EHD3: variants seen among roughly 807,000 people sequenced by gnomAD.
EHD3 encodes EH domain-containing protein 3.
EHD3 carries 17 observed loss-of-function variants against 43.0 expected under a neutral mutation model. The ratio of observed to expected loss-of-function variants is 0.40; its 90% CI spans 0.27 to 0.59. The LOEUF (loss-of-function observed/expected upper bound fraction) is 0.59, where lower values mean the gene tolerates loss of function less well. Ranked by LOEUF, EHD3 falls within the 20% of genes least tolerant of loss-of-function variation. The probability of loss-of-function intolerance (pLI) is 0.49; values close to 1 mark genes in which losing one functional copy is unlikely to be tolerated. For missense variants in EHD3, 594 were observed against 705.6 expected (o/e 0.84, Z 1.79); for synonymous variants, 313 against 289.5 (o/e 1.08, Z -0.82).
rs556019532 is a variant in EHD3, at chr2:31,260,544, C to A, written c.537C>A (p.Ala179=). ...TTGCAGCTGTCCTTGAGTGGTTTGC[C>A]GAGCGGGTTGACCGCATCATTCTGC... The part of the protein sequence containing the change: ...YDFAAVLEWF[A]ERVDRIILLF... Residue 179 remains alanine (A), a synonymous_variant, in exon 4 of 6, where the codon GCC becomes GCA. Coordinates refer to ENST00000322054, the MANE Select transcript of EHD3 (RefSeq NM_014600.3). This position sits in a 1 kb window ranked among gnomAD's most constrained non-coding sequence, Gnocchi z 4.6. The A allele has an allele frequency of 3.1e-6, 5 of 1,611,422 alleles. No individual in the cohort carries two copies. In the African/African-American group the frequency reaches 6.7e-5, roughly 21 times the overall value.
Position 31,240,358 on chromosome 2 carries a change from C to T in EHD3, c.228-3916C>T, listed in dbSNP as rs185668167. On this transcript the variant is annotated intron_variant, in intron 1 of 5. Transcript: ENST00000322054. ...TCCTGGCAACAGAGGCAATCTGTAT[C>T]GCTTCCCATAAAGAATCAGTGCATG... 7.9e-5 allele frequency among the ~76,000 whole-genome samples: 12 copies of T among 152,328 alleles called. No homozygotes were observed. In the East Asian group the frequency reaches 1.9e-3, roughly 24 times the overall value.
In EHD3 at chr2:31,254,418, C is replaced by T. The variant is rs574351623; in HGVS notation, c.502+4950C>T. Among the ~76,000 whole-genome samples the T allele has an allele frequency of 1.8e-4, 28 of 152,304 alleles. No individual in the cohort carries two copies. In the South Asian group the frequency reaches 1.9e-3, roughly 10 times the overall value. On this transcript the variant is annotated intron_variant, in intron 3 of 5. Transcript: ENST00000322054. ...GCCGGTACAGGCACGCCTGTGTGGGCGCTCCTGTGCCTGGGCAGAGCAGCC... is the reference window on the plus strand; with the variant it reads ...GCCGGTACAGGCACGCCTGTGTGGGTGCTCCTGTGCCTGGGCAGAGCAGCC...
At chr2:31,245,170 A>T (rs1683493786) in intron 2 of EHD3, among the ~76,000 whole-genome samples, 1 of 152,164 alleles carries the variant, frequency 6.6e-6, no homozygotes, top group South Asian at 2.1e-4. Flanking sequence ...ACTTTTTCTA[A>T]TTGGAGGTTT....
At chr2:31,256,818 T>C (rs1683760062) in intron 3 of EHD3, among the ~76,000 whole-genome samples, 1 of 152,212 alleles carries the variant, frequency 6.6e-6, no homozygotes, top group Admixed American at 6.5e-5. Flanking sequence ...GGTGGAGGCG[T>C]GGCTACAGTG....
At chr2:31,238,009 TG>T (rs1302814533) in intron 1 of EHD3, among the ~76,000 whole-genome samples, 6 of 152,216 alleles carry the variant, frequency 3.9e-5, no homozygotes, top group Admixed American at 1.3e-4. Context: ...TGTTTGTTTT[TG>T]TTTTTGTTTT....
chr2:31,251,934 G>A (rs1196010390), intron 3 of EHD3, among the ~76,000 whole-genome samples: 1 of 152,168 alleles, frequency 6.6e-6, no homozygotes. Context: ...GGGATTTGCT[G>A]TTTCACTCAG....
Position 31,249,478 on chromosome 2 carries a change from C to T in EHD3, c.502+10C>T, listed in dbSNP as rs1683592167. The T allele has an allele frequency of 6.2e-7, 1 of 1,613,688 alleles. No homozygotes were observed. Among genetic ancestry groups the T allele is most frequent in the Admixed American group, 1.7e-5 (1 of 60,010 alleles). ...CAGAGGATCAGCCGGGGTAAGCAACCTGCCTGAGGGGTGTTGGCTGTGGGC... is the reference window on the plus strand; with the variant it reads ...CAGAGGATCAGCCGGGGTAAGCAACTTGCCTGAGGGGTGTTGGCTGTGGGC... On this transcript the variant is annotated intron_variant, in intron 3 of 5. Transcript: ENST00000322054.
At position 31,234,682 on chromosome 2, in the gene EHD3, G is replaced by A. The variant is rs1235628529; in HGVS notation, c.61G>A (p.Val21Met). Residue 21 changes from valine to methionine, a missense_variant, in exon 1 of 6, where the codon GTG (valine) becomes ATG (methionine). Coordinates refer to ENST00000322054, the MANE Select transcript of EHD3 (RefSeq NM_014600.3). ...GAAGGACCCCGAGGTTTTCCAGACG[G>A]TGAGTGAGGGGCTCAAGAAACTCTA... The part of the protein sequence containing the change: ...RRKDPEVFQT[V>M]SEGLKKLYKS... The A allele has an allele frequency of 1.9e-6, 3 of 1,614,112 alleles. No homozygotes were observed. The highest frequency in any genetic ancestry group is 2.5e-6 in the Non-Finnish European group (3 of 1,180,052).
At chr2:31,252,656 G>A (rs1284519154) in intron 3 of EHD3, among the ~76,000 whole-genome samples, 1 of 152,136 alleles carries the variant, frequency 6.6e-6, no homozygotes, top group Non-Finnish European at 1.5e-5. Context: ...TGTATTTTTA[G>A]TAGAGACGGG....
intron 3 of EHD3, among the ~76,000 whole-genome samples, chr2:31,259,759 C>A (rs73925215): frequency 0.015 from 2,257 of 152,310 alleles, 52 homozygotes; most frequent in African/African-American, 0.052. Context: ...TTTAGTGTTT[C>A]ATTGTTTTCA....
In EHD3 at chr2:31,234,856, G is replaced by T. The variant is rs901546246; in HGVS notation, c.227+8G>T. The T allele has an allele frequency of 1.9e-6, 3 of 1,613,904 alleles. No homozygotes were observed. Among genetic ancestry groups the T allele is most frequent in the South Asian group, 2.2e-5 (2 of 91,064 alleles). On this transcript the variant is annotated splice_region_variant and intron_variant, in intron 1 of 5. Coordinates refer to ENST00000322054, the MANE Select transcript of EHD3 (RefSeq NM_014600.3). The stretch of plus-strand genomic sequence containing the variant: ...GAAGACCACCTTCATCAGGTGAGCC[G>T]GCCCAGGGTCCTGGCAGCCCACCCC...
rs886267724 is a variant in EHD3 at position 31,268,713 on chromosome 2, C to T, written c.*2009C>T. ...AGGCCAGGCAAAGAGGTCTCACCTGCTCTGGAGAAAACCCTTGAGTGCCGA... is the reference window on the plus strand; with the variant it reads ...AGGCCAGGCAAAGAGGTCTCACCTGTTCTGGAGAAAACCCTTGAGTGCCGA... On this transcript the variant is annotated 3_prime_UTR_variant, in exon 6 of 6. Coordinates refer to ENST00000322054, the MANE Select transcript of EHD3 (RefSeq NM_014600.3). 5.3e-5 allele frequency: 8 copies of T among 152,256 alleles called. No individual in the cohort carries two copies. Among genetic ancestry groups the T allele is most frequent in the African/African-American group, 1.9e-4 (8 of 41,462 alleles). The allele number at this position is 152,256 out of a possible 1,614,324, so 9.4% of individuals were successfully genotyped here. A position where few individuals can be genotyped will look rare whatever the true frequency, so the allele number is the denominator to read the frequency against.
At chr2:31,238,741 G>A (rs1444619396) in intron 1 of EHD3, among the ~76,000 whole-genome samples, 7 of 152,322 alleles carry the variant, frequency 4.6e-5, no homozygotes, top group Admixed American at 4.6e-4. Context: ...TACTTCTGTG[G>A]CCCCTTATTC....
At chr2:31,245,407 A>G (rs932618331) in intron 2 of EHD3, among the ~76,000 whole-genome samples, 2 of 151,860 alleles carry the variant, frequency 1.3e-5, no homozygotes, top group Non-Finnish European at 2.9e-5. Flanking sequence ...TAGTGTTACT[A>G]TGTCTTATTT....
intron 3 of EHD3, among the ~76,000 whole-genome samples, chr2:31,249,686 A>T (rs932767880): frequency 7.2e-5 from 11 of 152,138 alleles, no homozygotes; most frequent in African/African-American, 2.7e-4. Context: ...CTCAGGAGAT[A>T]GCTGGCCTCA....
chr2:31,243,646 A>G (rs1279070604), intron 1 of EHD3, among the ~76,000 whole-genome samples: 3 of 151,432 alleles, frequency 2.0e-5, no homozygotes, highest in Non-Finnish European at 4.4e-5. Flanking sequence ...TAGTAGAGAC[A>G]GGTTTCACCA....
At chr2:31,243,603 C>G (rs981379372) in intron 1 of EHD3, among the ~76,000 whole-genome samples, 15 of 151,526 alleles carry the variant, frequency 9.9e-5, no homozygotes, top group Admixed American at 4.6e-4. Flanking sequence ...ATTACAGGCA[C>G]CTGCCACCAT....
chr2:31,243,930 A>G (rs1036416995), intron 1 of EHD3, among the ~76,000 whole-genome samples: 1 of 152,190 alleles, frequency 6.6e-6, no homozygotes, highest in Non-Finnish European at 1.5e-5. Context: ...GGTTACCTTC[A>G]GTTATGGAGT....
intron 2 of EHD3, among the ~76,000 whole-genome samples, chr2:31,248,129 C>T (rs928942801): frequency 2.6e-5 from 4 of 152,162 alleles, no homozygotes; most frequent in Non-Finnish European, 2.9e-5. Context: ...GATTTGTCCG[C>T]ACAAGGTGCT....
Sources: gnomAD v4.1 joint callset for allele counts (sites outside exome capture counted in the v4.1 genomes callset) on GRCh38, gnomAD v4.1.1 for gene constraint, Gnocchi (gnomAD v3.1) non-coding constraint, MANE v1.5 for transcripts, NCBI Gene and HGNC (gene_info 2026-07-23, HGNC 2026-07-21) for gene names.